Variants in EMC1 observed in about 807,000 individuals in gnomAD.
EMC1 encodes the protein KIAA0090.
EMC1 carries 103 observed loss-of-function variants against 128.8 expected under a neutral mutation model. The observed-to-expected ratio is 0.80, with a 90% CI of 0.68 to 0.94. The LOEUF is 0.94. Among genes scored for constraint, EMC1 ranks in the 40% least tolerant of loss-of-function variants. The pLI, the probability that EMC1 is intolerant of heterozygous loss-of-function variation, is 0.00. For synonymous variants in EMC1, 442 were observed against 490.4 expected (o/e 0.90, Z 1.30); for missense variants, 1,083 against 1,250.6 (o/e 0.87, Z 2.02).
chr1:19,235,067 T>C, intron 13 of EMC1, 63 bp downstream of exon 13: 3 of 1,582,836 alleles, frequency 1.9e-6, no homozygotes, highest in Admixed American at 3.5e-5. Flanking sequence ...ACAGTGTCTC[T>C]TGTGGTCATT....
In EMC1 at chr1:19,227,396, T is replaced by C. The variant is rs1328912423; in HGVS notation, c.2119A>G (p.Ile707Val). Residue 707 changes from isoleucine to valine, a missense_variant, in exon 18 of 23, where the codon ATC becomes GTC. By Grantham distance (29) the Ile-to-Val change is conservative. This residue lies in a region of EMC1 where 527 missense variants were observed against 644.1 expected (regional missense o/e 0.82). Coordinates refer to ENST00000477853, the MANE Select transcript of EMC1 (RefSeq NM_015047.3). ...CTGCGTTTCCCCTTCACCTTGACGA[T>C]CCGCTGTACTTCTGGGGGAATGGTC... is the stretch of plus-strand genomic sequence containing the variant. ...ELTIPPEVQR[I>V]VKVKGKRSSE... The C allele has an allele frequency of 2.5e-6, 4 of 1,614,192 alleles. No individual in the cohort carries two copies. Among genetic ancestry groups the C allele is most frequent in the Non-Finnish European group, 2.5e-6 (3 of 1,180,042 alleles).
chr1:19,237,885 G>T, intron 11 of EMC1, 132 bp downstream of exon 11: 1 of 1,154,822 alleles, frequency 8.7e-7, no homozygotes, highest in Non-Finnish European at 1.2e-6. Flanking sequence ...ACAAGTCAGT[G>T]GCTCAGAGAG....
At position 19,235,160 on chromosome 1, in the gene EMC1, C is replaced by T. The variant is rs1370469680; in HGVS notation, c.1402G>A (p.Glu468Lys). ...TTTTTGCCAAATTCTCCTTCCAGCTCGGCCTGTGCCCCAGTCAGGGGGAGG... is the reference window on the plus strand; with the variant it reads ...TTTTTGCCAAATTCTCCTTCCAGCTTGGCCTGTGCCCCAGTCAGGGGGAGG... ...VDLPLTGAQA[E>K]LEGEFGKKAD... The change falls in exon 13 of 23, where the codon GAG becomes AAG. Residue 468 changes from glutamate (E) to lysine (K), a missense_variant. Physicochemically the swap from Glu to Lys is moderately conservative, Grantham distance 56. This residue lies in a region of EMC1 where 12 missense variants were observed against 34.2 expected (regional missense o/e 0.35). Coordinates refer to ENST00000477853, the MANE Select transcript of EMC1 (RefSeq NM_015047.3). 1.2e-6 allele frequency: 2 copies of T among 1,614,056 alleles called. No homozygotes were observed. The highest frequency in any genetic ancestry group is 1.7e-6 in the Non-Finnish European group (2 of 1,179,968).
At chr1:19,236,289 G>A (rs920647357) in intron 12 of EMC1, among the ~76,000 whole-genome samples, 3 of 151,890 alleles carry the variant, frequency 2.0e-5, no homozygotes, top group Non-Finnish European at 4.4e-5. Context: ...GAACCAGGAG[G>A]CAGAAGTTGC....
At chr1:19,220,283 G>A (rs961852443) in intron 21 of EMC1, 1 of 158,288 alleles carries the variant, frequency 6.3e-6, no homozygotes. Flanking sequence ...AATTACCTCA[G>A]TGATCTCATT....
intron 1 of EMC1, among the ~76,000 whole-genome samples, chr1:19,250,030 C>T (rs948099300): frequency 6.6e-6 from 1 of 151,902 alleles, no homozygotes; most frequent in African/African-American, 2.4e-5. Flanking sequence ...CCAGCCTGAC[C>T]AACATGGAGA....
chr1:19,215,829 C>CCACCA lies in EMC1; in HGVS notation c.*3469_*3473dup, dbSNP rs1430231905. 6.6e-6 allele frequency: 1 copy of CCACCA among 152,112 alleles called. No homozygotes were observed. The highest frequency in any genetic ancestry group is 1.5e-5 in the Non-Finnish European group (1 of 68,062). 9.4% of individuals were successfully genotyped at this position (152,112 alleles called of 1,614,324 possible). A position where few individuals can be genotyped will look rare whatever the true frequency, so the allele number is the denominator to read the frequency against. ...AAGTAGCTGGGATTACAGGCATGCA[C>CCACCA]CACCACACCTGGCTAAATTTTTTTA... On this transcript the variant is annotated 3_prime_UTR_variant, in exon 23 of 23. Coordinates refer to ENST00000477853, the MANE Select transcript of EMC1 (RefSeq NM_015047.3).
At chr1:19,220,581 A>G (rs150182778) in intron 21 of EMC1, 183 bp downstream of exon 21, 5 of 476,604 alleles carry the variant, frequency 1.0e-5, no homozygotes, top group Non-Finnish European at 1.9e-5. Context: ...TTATGTATTT[A>G]TTGTCCATTT....
chr1:19,248,731 G>A (rs981950819), intron 1 of EMC1, among the ~76,000 whole-genome samples: 28 of 151,860 alleles, frequency 1.8e-4, no homozygotes, highest in African/African-American at 6.8e-4. Context: ...AGCTGGTCTT[G>A]AACTCCTGGA....
At chr1:19,233,668 C>T (rs34487596) in intron 13 of EMC1, among the ~76,000 whole-genome samples, 2,167 of 152,284 alleles carry the variant, frequency 0.014, 20 homozygotes, top group Non-Finnish European at 0.02. Flanking sequence ...TCCCTGATTC[C>T]GTCAATGAAG....
Position 19,219,239 on chromosome 1 carries a change from G to A in EMC1, c.*64C>T. 6.5e-7 allele frequency: 1 copy of A among 1,540,706 alleles called. No individual in the cohort carries two copies. ...TACTCCACCAATCCACCAAACTGCA[G>A]CTGTAGCTGCTTATCTGACCCACAC... On this transcript the variant is annotated 3_prime_UTR_variant, in exon 23 of 23. Transcript: ENST00000477853.
intron 5 of EMC1, 106 bp downstream of exon 5, chr1:19,242,239 A>T (rs2093610333): frequency 8.1e-7 from 1 of 1,233,310 alleles, no homozygotes; most frequent in Non-Finnish European, 1.2e-6. Flanking sequence ...AACACCAACA[A>T]GAGACAGGCC....
At chr1:19,238,355 C>T (rs940829554) in intron 10 of EMC1, among the ~76,000 whole-genome samples, 2 of 152,214 alleles carry the variant, frequency 1.3e-5, no homozygotes, top group African/African-American at 4.8e-5. Flanking sequence ...CCATACTTGT[C>T]TTGGAAGCCA....
intron 12 of EMC1, among the ~76,000 whole-genome samples, 173 bp downstream of exon 12, chr1:19,236,967 CAA>C (rs35897979): frequency 0.18 from 10,342 of 57,374 alleles, 275 homozygotes; most frequent in African/African-American, 0.23. Context: ...GACTCTATCT[CAA>C]AAAAAAAAAA....
At position 19,243,142 on chromosome 1, in the gene EMC1, C is replaced by T. The variant is rs528027607; in HGVS notation, c.380+472G>A. Among the ~76,000 whole-genome samples the T allele has an allele frequency of 8.6e-4, 131 of 152,144 alleles. 1 individual carries two copies. Among genetic ancestry groups the T allele is most frequent in the African/African-American group, 3.0e-3 (126 of 41,490 alleles). ...CCCAGCTACTGGAGAGGCTGAGGCA[C>T]GAGAACTGCTTGAACCTGGGAGGTG... On this transcript the variant is annotated intron_variant, in intron 4 of 22. Transcript: ENST00000477853.
rs770149788 is a variant in EMC1, at chr1:19,237,230, G to T, written c.1221C>A (p.Ile407=). Residue 407 remains isoleucine, a synonymous_variant, in exon 12 of 23, where the codon ATC becomes ATA. Transcript: ENST00000477853. The part of the protein sequence containing the change: ...QSGTRPERLY[I]QVFLKKDDSV... Reference sequence around the variant, plus strand: ...AGTCATCCTTCTTCAAGAACACCTGGATATACAGCTATAAGCCACAGTCAA... The same window carrying T: ...AGTCATCCTTCTTCAAGAACACCTGTATATACAGCTATAAGCCACAGTCAA... 1.9e-6 allele frequency: 3 copies of T among 1,613,096 alleles called. No individual in the cohort carries two copies. Among genetic ancestry groups the T allele is most frequent in the Non-Finnish European group, 2.5e-6 (3 of 1,179,272 alleles).
chr1:19,234,601 A>G (rs2093549252), intron 13 of EMC1, among the ~76,000 whole-genome samples: 2 of 152,316 alleles, frequency 1.3e-5, no homozygotes, highest in Admixed American at 6.5e-5. Flanking sequence ...AATCCCCAAC[A>G]CTTTGGGAGG....
Position 19,251,405 on chromosome 1 carries a change from A to T in EMC1, c.95+10T>A, listed in dbSNP as rs779669194. 6 of 1,612,656 alleles carry T rather than the reference A, an allele frequency of 3.7e-6. No individual in the cohort carries two copies. The Admixed American group carries it at 1.0e-4, about 27-fold the overall frequency. On this transcript the variant is annotated intron_variant, in intron 1 of 22. Transcript: ENST00000477853. ...CACTTATCTCTCGAATATGTTCCAC[A>T]CGTACGCACCAATCAAACTTGCCCA...
intron 6 of EMC1, 96 bp downstream of exon 6, chr1:19,240,920 T>A (rs187901732): frequency 2.1e-6 from 3 of 1,437,358 alleles, no homozygotes. Context: ...AGCTTTTGCA[T>A]CTGCCCAGCC....
Sources: allele counts gnomAD v4.1 joint callset (sites outside exome capture counted in the v4.1 genomes callset), GRCh38; gene constraint gnomAD v4.1.1; regional missense constraint gnomAD v4.1.1; transcripts MANE v1.5; gene names NCBI Gene and HGNC (gene_info 2026-07-23, HGNC 2026-07-21).